F9: variants seen among roughly 807,000 people sequenced by gnomAD.
F9 encodes the protein coagulation factor IX.
F9 carries 2 observed loss-of-function variants against 34.1 expected under a neutral mutation model. That is an observed-to-expected ratio of 0.06 (90% confidence interval 0.02 to 0.18). F9 has a LOEUF of 0.18. F9 is among the 10% of genes least tolerant of loss of function. The pLI is 1.00. For synonymous variants in F9, 137 were observed against 118.8 expected (o/e 1.15, Z -1.00); for missense variants, 216 against 345.1 (o/e 0.63, Z 2.96).
rs1335753805 is a variant in F9 at position 139,530,773 on chromosome X, C to G, written c.9C>G (p.Arg3=). 1.7e-6 allele frequency: 2 copies of G among 1,208,202 alleles called. No homozygotes were observed. The highest frequency in any genetic ancestry group is 2.2e-6 in the Non-Finnish European group (2 of 893,293). The change falls in exon 1 of 8, where the codon CGC becomes CGG. Residue 3 remains arginine, a synonymous_variant. Transcript: ENST00000218099. The part of the protein sequence containing the change: MQ[R]VNMIMAESPG... The stretch of plus-strand genomic sequence containing the variant: ...ATCTGCTAGCAAAGGTTATGCAGCG[C>G]GTGAACATGATCATGGCAGAATCAC...
chrX:139,551,438 G>A (rs1039272624), intron 6 of F9, among the ~76,000 whole-genome samples, 174 bp downstream of exon 6: 1 of 111,070 alleles, frequency 9.0e-6, no homozygotes, highest in Non-Finnish European at 1.9e-5. Flanking sequence ...TGGTGAAAGA[G>A]AGGCTCAAAA....
rs371488262 is a variant in F9 at position 139,551,315 on chromosome X, A to G, written c.723+51A>G. ...AACTGGAGCTCAGCTGGCAAGACAC[A>G]GGCCAGGTGGGAGACTGAGGCTATT... On this transcript the variant is annotated intron_variant, in intron 6 of 7. Coordinates refer to ENST00000218099, the MANE Select transcript of F9 (RefSeq NM_000133.4). The G allele has an allele frequency of 2.9e-3, 3,051 of 1,059,619 alleles. 12 individuals carry two copies. The highest frequency in any genetic ancestry group is 6.0e-3 in the Middle Eastern group (24 of 4,013). The allele number at this position is 1,059,619 out of a possible 1,213,427, so 87.3% of individuals were successfully genotyped here. A position where few individuals can be genotyped will look rare whatever the true frequency, so the allele number is the denominator to read the frequency against.
Position 139,551,130 on chromosome X carries a change from C to T in F9, c.589C>T (p.Pro197Ser), listed in dbSNP as rs867548424. The change falls in exon 6 of 8, where the codon CCT (proline) becomes TCT (serine). Residue 197 changes from proline (P) to serine (S), a missense_variant. Pro to Ser is a moderately conservative substitution (Grantham distance 74). Transcript: ENST00000218099. The stretch of plus-strand genomic sequence containing the variant: ...GCTCACCCGTGCTGAGACTGTTTTT[C>T]CTGATGTGGACTATGTAAATTCTAC... ...SKLTRAETVF[P>S]DVDYVNSTEA... is the part of the protein sequence containing the mutation. The T allele has an allele frequency of 1.7e-6, 2 of 1,210,973 alleles. No individual in the cohort carries two copies. Among genetic ancestry groups the T allele is most frequent in the African/African-American group, 1.7e-5 (1 of 57,790 alleles).
At chrX:139,546,518 G>T (rs150042757) in intron 4 of F9, among the ~76,000 whole-genome samples, 4,171 of 111,115 alleles carry the variant, frequency 0.038, 203 homozygotes, top group African/African-American at 0.13. Flanking sequence ...ATGAAATTGC[G>T]GTTGCTTTTT....
At chrX:139,536,290 TAG>T (rs761124334) in intron 1 of F9, among the ~76,000 whole-genome samples, 47 of 100,725 alleles carry the variant, frequency 4.7e-4, no homozygotes, top group Admixed American at 6.5e-4. Context: ...CACACACACA[TAG>T]AGAGAGAGAG....
intron 4 of F9, among the ~76,000 whole-genome samples, chrX:139,546,275 A>G (rs1927715001): frequency 1.8e-5 from 2 of 112,300 alleles, no homozygotes; most frequent in Non-Finnish European, 3.8e-5. Context: ...CTATGGCTGC[A>G]TAATATTCCA....
chrX:139,536,475 C>T (rs1403584613), intron 1 of F9, among the ~76,000 whole-genome samples: 1 of 110,749 alleles, frequency 9.0e-6, no homozygotes, highest in East Asian at 2.9e-4. Context: ...CACTTGCCAA[C>T]CAAAGGTGCT....
At chrX:139,536,654 G>T (rs1222224315) in intron 1 of F9, among the ~76,000 whole-genome samples, 1 of 111,833 alleles carries the variant, frequency 8.9e-6, no homozygotes, top group East Asian at 2.8e-4. Context: ...CCCAGCCAGG[G>T]TGATGGATCA....
chrX:139,560,342 A>G (rs922840166), intron 6 of F9, among the ~76,000 whole-genome samples: 1 of 112,105 alleles, frequency 8.9e-6, no homozygotes, highest in Non-Finnish European at 1.9e-5. Flanking sequence ...GGTACAGGGA[A>G]CACCCTAATA....
intron 3 of F9, 55 bp downstream of exon 3, chrX:139,537,441 G>A: frequency 1.0e-6 from 1 of 1,000,770 alleles, no homozygotes; most frequent in Non-Finnish European, 1.4e-6. Context: ...AGAATTATGT[G>A]GGTTTTTTCT....
At position 139,548,500 on chromosome X, in the gene F9, C is replaced by A. The variant is rs1453342028; in HGVS notation, c.520+9C>A. ...GTCCTGTGAACCAGCAGGTCATAAT[C>A]TGAATAAGATTTTTTAAAGAAAATC... On this transcript the variant is annotated intron_variant, in intron 5 of 7. Transcript: ENST00000218099. 9.1e-6 allele frequency: 11 copies of A among 1,203,501 alleles called. No homozygotes were observed. The highest frequency in any genetic ancestry group is 1.1e-5 in the Non-Finnish European group (10 of 891,675).
chrX:139,562,404 A>C lies in F9; in HGVS notation c.*333A>C. The stretch of plus-strand genomic sequence containing the variant: ...CACTCAATTTTCCCTCCTTAGCAGC[A>C]TTCCATCTTCCCGATCTTCTTTGCT... On this transcript the variant is annotated 3_prime_UTR_variant, in exon 8 of 8. Transcript: ENST00000218099. 3.9e-6 allele frequency: 1 copy of C among 257,298 alleles called. No homozygotes were observed. Among genetic ancestry groups the C allele is most frequent in the East Asian group, 9.2e-5 (1 of 10,822 alleles). 21.2% of individuals were successfully genotyped at this position (257,298 alleles called of 1,213,427 possible).
chrX:139,537,341 G>A lies in F9; in HGVS notation c.253-21G>A, dbSNP rs369857131. 2.3e-5 allele frequency: 27 copies of A among 1,185,203 alleles called. No homozygotes were observed. The African/African-American group carries it at 3.7e-4, about 16-fold the overall frequency. On this transcript the variant is annotated intron_variant, in intron 2 of 7. Transcript: ENST00000218099. Reference sequence around the variant, plus strand: ...ACACTTTAGATATTACCGTTAATTTGTCTTCTTTTATTCTTTATAGACTGA... The same window carrying A: ...ACACTTTAGATATTACCGTTAATTTATCTTCTTTTATTCTTTATAGACTGA...
chrX:139,541,472 T>C (rs1927600162), intron 4 of F9, among the ~76,000 whole-genome samples: 1 of 111,783 alleles, frequency 8.9e-6, no homozygotes, highest in South Asian at 3.7e-4. Flanking sequence ...ATGCGCATTC[T>C]ATGCAGATGA....
chrX:139,544,255 C>T (rs1490862765), intron 4 of F9, among the ~76,000 whole-genome samples: 1 of 111,698 alleles, frequency 9.0e-6, no homozygotes, highest in Non-Finnish European at 1.9e-5. Context: ...TTTGATTTGG[C>T]TGAACACTTT....
intron 1 of F9, among the ~76,000 whole-genome samples, chrX:139,536,210 C>T (rs1031465808): frequency 5.3e-5 from 4 of 75,406 alleles, no homozygotes; most frequent in Admixed American, 2.7e-4. Flanking sequence ...TACATATATA[C>T]ACACACATAT....
At chrX:139,537,948 G>A (rs1048669297) in intron 3 of F9, among the ~76,000 whole-genome samples, 1 of 111,143 alleles carries the variant, frequency 9.0e-6, no homozygotes, top group Non-Finnish European at 1.9e-5. Context: ...CCAACTTCCT[G>A]TGGGCTGACT....
intron 6 of F9, among the ~76,000 whole-genome samples, chrX:139,553,955 G>A (rs1927910530): frequency 9.1e-6 from 1 of 109,385 alleles, no homozygotes; most frequent in Admixed American, 9.8e-5. Context: ...GGGGAACAGG[G>A]TATAAAGGCT....
At chrX:139,560,350 A>G (rs413536) in intron 6 of F9, among the ~76,000 whole-genome samples, 20,891 of 111,496 alleles carry the variant, frequency 0.19, 1,520 homozygotes, top group Middle Eastern at 0.21. Flanking sequence ...GAACACCCTA[A>G]TAACTATTAA....
Sources: gnomAD v4.1 joint callset for allele counts (sites outside exome capture counted in the v4.1 genomes callset) on GRCh38, gnomAD v4.1.1 for gene constraint, MANE v1.5 for transcripts, NCBI Gene and HGNC (gene_info 2026-07-23, HGNC 2026-07-21) for gene names.